WNT2B: variants seen among roughly 807,000 people sequenced by gnomAD.
The protein encoded by WNT2B is protein Wnt-2b.
WNT2B carries 19 observed loss-of-function variants against 40.5 expected under a neutral mutation model. The ratio of observed to expected loss-of-function variants is 0.47; its 90% CI spans 0.33 to 0.69. The LOEUF (loss-of-function observed/expected upper bound fraction) is 0.69, where lower values mean the gene tolerates loss of function less well. Among genes scored for constraint, WNT2B ranks in the 30% least tolerant of loss-of-function variants. WNT2B has a pLI of 0.02. For synonymous variants in WNT2B, 220 were observed against 211.9 expected (o/e 1.04, Z -0.33); for missense variants, 467 against 556.4 (o/e 0.84, Z 1.62).
chr1:112,472,696 T>C lies in WNT2B; in HGVS notation c.-95+5105T>C, dbSNP rs111807504. Among the ~76,000 whole-genome samples the C allele has an allele frequency of 8.8e-3, 1,342 of 151,862 alleles. 24 individuals are homozygous for C. The highest frequency in any genetic ancestry group is 0.031 in the African/African-American group (1,292 of 41,434). On this transcript the variant is annotated intron_variant, in intron 1 of 4. Transcript: ENST00000256640. ...AAAAATCACAATGTCTGGCATCCAA[T>C]AAAAAATTACAAAGAAGTAGAAAAA...
At chr1:112,506,709 A>G (rs1652117166), upstream of WNT2B, among the ~76,000 whole-genome samples, 1 of 152,244 alleles carries the variant, frequency 6.6e-6, no homozygotes, top group South Asian at 2.1e-4. Context: ...AAAACTAAGC[A>G]CAGAGTCTGT....
chr1:112,509,562 G>A lies in WNT2B; in HGVS notation c.182+118G>A. ...TGCTTCGACGGGTTGGAGACGATTCGGGCAGGACTGTCACTGAAATCTGAA... is the reference window on the plus strand; with the variant it reads ...TGCTTCGACGGGTTGGAGACGATTCAGGCAGGACTGTCACTGAAATCTGAA... On this transcript the variant is annotated intron_variant, in intron 1 of 4. Coordinates refer to ENST00000369684, the MANE Select transcript of WNT2B (RefSeq NM_024494.3). The surrounding 1 kb of genome is among the most constrained non-coding windows in gnomAD (Gnocchi z 4.2). 1 of 1,159,940 alleles carries A rather than the reference G, an allele frequency of 8.6e-7. No individual in the cohort carries two copies. The highest frequency in any genetic ancestry group is 3.0e-5 in the East Asian group (1 of 33,850). The allele number at this position is 1,159,940 out of a possible 1,614,324, so 71.9% of individuals were successfully genotyped here.
At chr1:112,487,668 C>CA (rs1651457871) in intron 1 of WNT2B, among the ~76,000 whole-genome samples, 1 of 152,138 alleles carries the variant, frequency 6.6e-6, no homozygotes, top group African/African-American at 2.4e-5. Context: ...TGTGGTAGCT[C>CA]ACGCCTGTAA....
chr1:112,497,422 C>T (rs1651813105), intron 1 of WNT2B, among the ~76,000 whole-genome samples: 1 of 152,224 alleles, frequency 6.6e-6, no homozygotes, highest in South Asian at 2.1e-4. Flanking sequence ...ATGGCTTGTG[C>T]CTTCTGGGGC....
chr1:112,485,289 C>T (rs1406932165), intron 1 of WNT2B, among the ~76,000 whole-genome samples: 2 of 151,962 alleles, frequency 1.3e-5, no homozygotes, highest in African/African-American at 2.4e-5. Flanking sequence ...GTCAAAACCC[C>T]GTGTCTACTA....
intron 1 of WNT2B, among the ~76,000 whole-genome samples, chr1:112,499,151 A>G (rs1277436887): frequency 6.7e-6 from 1 of 149,940 alleles, no homozygotes; most frequent in Non-Finnish European, 1.5e-5. Context: ...GGTTGCAGTG[A>G]GCCAAGATCA....
upstream of WNT2B, among the ~76,000 whole-genome samples, chr1:112,506,910 C>T (rs1305548104): frequency 6.6e-6 from 1 of 152,224 alleles, no homozygotes; most frequent in Non-Finnish European, 1.5e-5. Context: ...CCAGCCCCCA[C>T]TTTCCACCCA....
intron 1 of WNT2B, among the ~76,000 whole-genome samples, chr1:112,503,368 T>G (rs2101075860): frequency 6.6e-6 from 1 of 152,076 alleles, no homozygotes; most frequent in Admixed American, 6.5e-5. Context: ...ATGGCTGAGT[T>G]GGGGGAAAAA....
At chr1:112,480,272 C>T (rs1380649723) in intron 1 of WNT2B, among the ~76,000 whole-genome samples, 2 of 149,074 alleles carry the variant, frequency 1.3e-5, no homozygotes, top group Non-Finnish European at 3.0e-5. Flanking sequence ...GAGGCTGAGG[C>T]AGGAGAATCA....
chr1:112,492,318 G>T (rs1286138857), intron 1 of WNT2B, among the ~76,000 whole-genome samples: 1 of 152,212 alleles, frequency 6.6e-6, no homozygotes, highest in East Asian at 1.9e-4. Flanking sequence ...TTCCTAAATT[G>T]CAGAGACAGG....
In WNT2B at chr1:112,516,358, A is replaced by C. The variant is rs778630495; in HGVS notation, c.622A>C (p.Lys208Gln). 1 of 1,613,874 alleles carries C rather than the reference A, an allele frequency of 6.2e-7. No individual in the cohort carries two copies. The highest frequency in any genetic ancestry group is 8.5e-7 in the Non-Finnish European group (1 of 1,179,992). The change falls in exon 3 of 5, where the codon AAG (lysine) becomes CAG (glutamine). Residue 208 changes from lysine (K) to glutamine (Q), a missense_variant. Around this residue, in one of 2 missense-constraint regions of WNT2B, gnomAD observed 330 missense variants for 438.6 expected, o/e 0.75. Coordinates refer to ENST00000369684, the MANE Select transcript of WNT2B (RefSeq NM_024494.3). ...FAKAFVDAKE[K>Q]RLKDARALMN... ...CAAGGCCTTCGTGGATGCCAAGGAG[A>C]AGAGGCTTAAGGATGCCCGGGCCCT...
intron 1 of WNT2B, among the ~76,000 whole-genome samples, chr1:112,472,710 G>T (rs910546324): frequency 1.3e-5 from 2 of 152,092 alleles, no homozygotes; most frequent in Non-Finnish European, 2.9e-5. Flanking sequence ...AAATTACAAA[G>T]AAGTAGAAAA....
At chr1:112,491,118 A>G in intron 1 of WNT2B, 1 of 1,597,788 alleles carries the variant, frequency 6.3e-7, no homozygotes, top group Non-Finnish European at 8.6e-7. Context: ...ACCAATTATA[A>G]AAAATAAATT....
Position 112,509,708 on chromosome 1 carries a change from C to G in WNT2B, c.182+264C>G, listed in dbSNP as rs917156550. ...CCTTAGGCCTCCACGTGCTGTACCC[C>G]CTCTATTTCAGCTCAAGCCCCTTAG... On this transcript the variant is annotated intron_variant, in intron 1 of 4. Coordinates refer to ENST00000369684, the MANE Select transcript of WNT2B (RefSeq NM_024494.3). The surrounding 1 kb of genome is among the most constrained non-coding windows in gnomAD (Gnocchi z 4.2). Among the ~76,000 whole-genome samples, 3 of 152,220 alleles carry G rather than the reference C, an allele frequency of 2.0e-5. No homozygotes were observed. Among genetic ancestry groups the G allele is most frequent in the Admixed American group, 2.0e-4 (3 of 15,288 alleles).
rs1198822053 is a variant in WNT2B, at chr1:112,529,474, T to C, written c.*8965T>C. The stretch of plus-strand genomic sequence containing the variant: ...CCCTATGTAATACAAACCCATGGAA[T>C]CTGACATAAGCTGATTGCTCATGCT... On this transcript the variant is annotated 3_prime_UTR_variant, in exon 5 of 5. Coordinates refer to ENST00000369684, the MANE Select transcript of WNT2B (RefSeq NM_024494.3). The C allele has an allele frequency of 6.6e-6, 1 of 152,186 alleles. No individual in the cohort carries two copies. The highest frequency in any genetic ancestry group is 1.5e-5 in the Non-Finnish European group (1 of 68,036). The allele number at this position is 152,186 out of a possible 1,614,324, so 9.4% of individuals were successfully genotyped here. A position where few individuals can be genotyped will look rare whatever the true frequency, so the allele number is the denominator to read the frequency against.
intron 1 of WNT2B, among the ~76,000 whole-genome samples, chr1:112,502,525 C>T (rs1570783183): frequency 1.3e-5 from 2 of 152,338 alleles, no homozygotes; most frequent in South Asian, 4.1e-4. Flanking sequence ...CAAGAGAGAC[C>T]TCTCCAAAGG....
intron 1 of WNT2B, among the ~76,000 whole-genome samples, chr1:112,491,388 C>T (rs988150747): frequency 6.6e-6 from 1 of 152,160 alleles, no homozygotes; most frequent in Non-Finnish European, 1.5e-5. Flanking sequence ...GCCTGGGCAA[C>T]AGAGCAAGAC....
intron 1 of WNT2B, among the ~76,000 whole-genome samples, chr1:112,467,924 T>C (rs749025242): frequency 1.3e-5 from 2 of 152,200 alleles, no homozygotes; most frequent in Non-Finnish European, 2.9e-5. Context: ...TAACTGTATG[T>C]TTGTAACCAT....
upstream of WNT2B, among the ~76,000 whole-genome samples, chr1:112,504,116 C>G (rs1160124447): frequency 6.6e-6 from 1 of 152,134 alleles, no homozygotes; most frequent in Non-Finnish European, 1.5e-5. Flanking sequence ...CAGTTGACCA[C>G]CCAGGATCCC....
Sources: allele counts gnomAD v4.1 joint callset (sites outside exome capture counted in the v4.1 genomes callset), GRCh38; gene constraint gnomAD v4.1.1; regional missense constraint gnomAD v4.1.1; non-coding constraint Gnocchi (gnomAD v3.1); transcripts MANE v1.5; gene names NCBI Gene and HGNC (gene_info 2026-07-23, HGNC 2026-07-21).